The following CASTOR2 variants were observed in gnomAD, a reference collection of about 807,000 sequenced individuals.
CASTOR2 encodes the protein cytosolic arginine sensor for mTORC1 subunit 2, also known as GATS protein like 2.
Under a neutral mutation model 31.2 loss-of-function variants are expected in CASTOR2, and 8 were observed. That is an observed-to-expected ratio of 0.26 (90% CI 0.15 to 0.46). The LOEUF is 0.46. Ranked by LOEUF, CASTOR2 falls within the 20% of genes least tolerant of loss-of-function variation. CASTOR2 has a pLI of 0.99. For synonymous variants in CASTOR2, 162 were observed against 158.7 expected (o/e 1.02, Z -0.16); for missense variants, 216 against 382.1 (o/e 0.57, Z 3.62).
chr7:75,029,227 G>A lies in CASTOR2; in HGVS notation c.*4528G>A, dbSNP rs1179304857. ...TGGCCACATTTTCCAGGGATACCCT[G>A]GGGAGTCCTAAGGCCACCCTGGGCC... is the stretch of plus-strand genomic sequence containing the variant. On this transcript the variant is annotated 3_prime_UTR_variant, in exon 9 of 9. Coordinates refer to ENST00000616305, the MANE Select transcript of CASTOR2 (RefSeq NM_001145064.3). Among the ~76,000 whole-genome samples, 2 of 152,172 alleles carry A rather than the reference G, an allele frequency of 1.3e-5. No homozygotes were observed. The highest frequency in any genetic ancestry group is 2.1e-4 in the South Asian group (1 of 4,826).
Position 75,026,479 on chromosome 7 carries a change from C to T in CASTOR2, c.*1780C>T, listed in dbSNP as rs2131961353. On this transcript the variant is annotated 3_prime_UTR_variant, in exon 9 of 9. Transcript: ENST00000616305. ...TGCCGGGATTACAGGCGTGAGCCAC[C>T]ACACCCAGCCGAGTTGTGCTGTTTC... is the stretch of plus-strand genomic sequence containing the variant. Among the ~76,000 whole-genome samples, 2 of 152,210 alleles carry T rather than the reference C, an allele frequency of 1.3e-5. No homozygotes were observed. Among genetic ancestry groups the T allele is most frequent in the East Asian group, 3.9e-4 (2 of 5,184 alleles).
At chr7:74,993,386 C>T (rs1804257716) in intron 1 of CASTOR2, among the ~76,000 whole-genome samples, 2 of 150,316 alleles carry the variant, frequency 1.3e-5, no homozygotes, top group South Asian at 2.1e-4. Flanking sequence ...AGACTTGATT[C>T]TGGGCTTCTC....
At chr7:74,975,910 C>T (rs1470567639) in intron 1 of CASTOR2, among the ~76,000 whole-genome samples, 3 of 147,130 alleles carry the variant, frequency 2.0e-5, no homozygotes, top group African/African-American at 5.0e-5. Flanking sequence ...ACCCAAGCAG[C>T]CCCATGGAGA....
Position 74,990,308 on chromosome 7 carries a change from A to G in CASTOR2, c.114-17686A>G, listed in dbSNP as rs1804175517. On this transcript the variant is annotated intron_variant, in intron 1 of 8. Transcript: ENST00000616305. ...GAGGCTGAGGCAGGAGAATGGAGTG[A>G]ACCCGGGAGGTGGAGCTTGCAGTGA... 2.0e-5 allele frequency among the ~76,000 whole-genome samples: 3 copies of G among 151,888 alleles called. No homozygotes were observed. The South Asian group carries it at 6.2e-4, about 32-fold the overall frequency.
intron 1 of CASTOR2, among the ~76,000 whole-genome samples, chr7:74,998,442 A>G (rs1804406268): frequency 2.6e-5 from 4 of 152,138 alleles, no homozygotes; most frequent in African/African-American, 7.2e-5. Flanking sequence ...CATCTCTACT[A>G]AAAATACAAA....
chr7:75,003,202 T>C (rs1804535338), intron 1 of CASTOR2, among the ~76,000 whole-genome samples: 1 of 152,162 alleles, frequency 6.6e-6, no homozygotes, highest in Non-Finnish European at 1.5e-5. Flanking sequence ...ATCCGAGCAC[T>C]TTGGGAGGCC....
intron 1 of CASTOR2, among the ~76,000 whole-genome samples, chr7:74,982,069 A>AG (rs1215084448): frequency 8.2e-6 from 1 of 122,300 alleles, no homozygotes; most frequent in African/African-American, 3.2e-5. Context: ...CCCAGTCTCA[A>AG]GAAAAAAAAA....
intron 1 of CASTOR2, among the ~76,000 whole-genome samples, chr7:74,990,397 AAAAC>A (rs1167045325): frequency 2.0e-4 from 30 of 151,590 alleles, no homozygotes; most frequent in Non-Finnish European, 3.1e-4. Flanking sequence ...AAAAAAAACA[AAAAC>A]AAAAAACAAC....
intron 5 of CASTOR2, among the ~76,000 whole-genome samples, chr7:75,019,396 G>T (rs1225942622): frequency 3.9e-5 from 6 of 152,238 alleles, no homozygotes; most frequent in Non-Finnish European, 8.8e-5. Context: ...GGGAGACACA[G>T]ACCTGTCCTG....
chr7:75,023,771 G>T (rs972541152), intron 7 of CASTOR2, among the ~76,000 whole-genome samples: 1 of 152,120 alleles, frequency 6.6e-6, no homozygotes, highest in Non-Finnish European at 1.5e-5. Context: ...GCCAGATCTC[G>T]TGAGGACTTA....
At chr7:75,015,310 C>T (rs1804841010) in intron 2 of CASTOR2, among the ~76,000 whole-genome samples, 1 of 152,194 alleles carries the variant, frequency 6.6e-6, no homozygotes, top group African/African-American at 2.4e-5. Context: ...GGCTGTGTCA[C>T]CTAGGCTGGA....
At chr7:75,006,341 C>G (rs1214934462) in intron 1 of CASTOR2, among the ~76,000 whole-genome samples, 2 of 152,094 alleles carry the variant, frequency 1.3e-5, no homozygotes, top group African/African-American at 4.8e-5. Flanking sequence ...ATTTTGTACT[C>G]CCACCAGCAG....
intron 1 of CASTOR2, among the ~76,000 whole-genome samples, chr7:74,997,659 C>G (rs1804384134): frequency 6.6e-6 from 1 of 151,850 alleles, no homozygotes; most frequent in South Asian, 2.1e-4. Flanking sequence ...CTCCTGACCT[C>G]AAGTGATCTG....
At position 75,025,252 on chromosome 7, in the gene CASTOR2, C is replaced by T. The variant is rs1254998202; in HGVS notation, c.*553C>T. On this transcript the variant is annotated 3_prime_UTR_variant, in exon 9 of 9. Transcript: ENST00000616305. Reference sequence around the variant, plus strand: ...TCAGGTCATCGGGGCTGGTGAGGCTCAGACAGGAACCCAGGTGGGATCCCC... The same window carrying T: ...TCAGGTCATCGGGGCTGGTGAGGCTTAGACAGGAACCCAGGTGGGATCCCC... Among the ~76,000 whole-genome samples, 3 of 152,214 alleles carry T rather than the reference C, an allele frequency of 2.0e-5. No individual in the cohort carries two copies. The highest frequency in any genetic ancestry group is 4.4e-5 in the Non-Finnish European group (3 of 68,022).
chr7:75,023,412 C>CT (rs2131958496), intron 7 of CASTOR2, among the ~76,000 whole-genome samples: 1 of 151,918 alleles, frequency 6.6e-6, no homozygotes, highest in Non-Finnish European at 1.5e-5. Flanking sequence ...AGTCTTTCCT[C>CT]TGTTTCCACA....
At chr7:75,001,620 T>C (rs1161580028) in intron 1 of CASTOR2, among the ~76,000 whole-genome samples, 1 of 152,092 alleles carries the variant, frequency 6.6e-6, no homozygotes, top group Non-Finnish European at 1.5e-5. Flanking sequence ...GCGGACAGGG[T>C]TTGTTCTCTT....
chr7:74,998,939 C>T (rs1414793617), intron 1 of CASTOR2, among the ~76,000 whole-genome samples: 2 of 152,062 alleles, frequency 1.3e-5, no homozygotes, highest in Admixed American at 6.6e-5. Context: ...CCATCACCCA[C>T]GCTGTCTGAT....
At chr7:75,024,300 A>G in intron 7 of CASTOR2, 140 bp from the exon 8 acceptor site, 1 of 886,144 alleles carries the variant, frequency 1.1e-6, no homozygotes, top group Middle Eastern at 2.9e-4. Flanking sequence ...AAAAAAAATA[A>G]AAGGGATAGC....
rs991807510 is a variant in CASTOR2, at chr7:75,030,477, G to C, written c.*5778G>C. Among the ~76,000 whole-genome samples, 16 of 152,310 alleles carry C rather than the reference G, an allele frequency of 1.1e-4. No homozygotes were observed. Among genetic ancestry groups the C allele is most frequent in the African/African-American group, 2.9e-4 (12 of 41,568 alleles). ...CCCACTTGTCAGAACTACTCTGGAG[G>C]GGGGCAAAGGTGTCAGGAACAGTTT... On this transcript the variant is annotated 3_prime_UTR_variant, in exon 9 of 9. Transcript: ENST00000616305.
Sources: gnomAD v4.1 joint callset for allele counts (sites outside exome capture counted in the v4.1 genomes callset) on GRCh38, gnomAD v4.1.1 for gene constraint, MANE v1.5 for transcripts, NCBI Gene and HGNC (gene_info 2026-07-23, HGNC 2026-07-21) for gene names.